PDE4B: variants seen among roughly 807,000 people sequenced by gnomAD.
PDE4B encodes the protein 3',5'-cyclic-AMP phosphodiesterase 4B.
In PDE4B, 20 loss-of-function variants were observed where a neutral mutation model predicts 82.2. The ratio of observed to expected loss-of-function variants is 0.24; its 90% CI spans 0.17 to 0.35. The LOEUF (loss-of-function observed/expected upper bound fraction) is 0.35, where lower values mean the gene tolerates loss of function less well. Among genes scored for constraint, PDE4B ranks in the 10% least tolerant of loss-of-function variants. The pLI, the probability that PDE4B is intolerant of heterozygous loss-of-function variation, is 1.00. For synonymous variants in PDE4B, 320 were observed against 318.9 expected (o/e 1.00, Z -0.04); for missense variants, 655 against 907.2 (o/e 0.72, Z 3.57).
intron 8 of PDE4B, among the ~76,000 whole-genome samples, chr1:66,347,878 A>G (rs1163768246): frequency 6.6e-6 from 1 of 152,212 alleles, no homozygotes; most frequent in East Asian, 1.9e-4. Flanking sequence ...TAGACTGAAA[A>G]TGGAATTAAC....
chr1:66,374,424 T>G lies in PDE4B; in HGVS notation c.*1746T>G, dbSNP rs368211356. ...ATGGCACAAATGTGCATGACCAATG[T>G]ATGTCTATGAACACTGCATTGTTTC... On this transcript the variant is annotated 3_prime_UTR_variant, in exon 17 of 17. Transcript: ENST00000341517. 1 of 134,606 alleles carries G rather than the reference T, an allele frequency of 7.4e-6. No individual in the cohort carries two copies. The highest frequency in any genetic ancestry group is 1.7e-5 in the Non-Finnish European group (1 of 59,606). 8.3% of individuals were successfully genotyped at this position (134,606 alleles called of 1,614,324 possible).
At chr1:66,212,795 C>G (rs988292143) in intron 3 of PDE4B, among the ~76,000 whole-genome samples, 4 of 152,174 alleles carry the variant, frequency 2.6e-5, no homozygotes, top group Non-Finnish European at 5.9e-5. Flanking sequence ...CAACCCCCGA[C>G]ATGGCATCAC....
intron 1 of PDE4B, among the ~76,000 whole-genome samples, chr1:65,872,826 CAT>C (rs1013803341): frequency 5.3e-5 from 8 of 152,154 alleles, no homozygotes; most frequent in East Asian, 1.9e-4. Flanking sequence ...TATATCATCT[CAT>C]GTGATATTCA....
chr1:65,870,873 G>A (rs920333120), intron 1 of PDE4B, among the ~76,000 whole-genome samples: 6 of 152,152 alleles, frequency 3.9e-5, no homozygotes, highest in Admixed American at 2.0e-4. Flanking sequence ...GGTAATATTA[G>A]TAGTAATTTT....
chr1:65,793,937 C>A (rs1374725487), intron 1 of PDE4B, among the ~76,000 whole-genome samples: 1 of 152,202 alleles, frequency 6.6e-6, no homozygotes, highest in African/African-American at 2.4e-5. Flanking sequence ...GGCCACCTTC[C>A]TTGTGCGGTA....
At chr1:66,315,186 C>T (rs1658945680) in intron 7 of PDE4B, among the ~76,000 whole-genome samples, 1 of 152,226 alleles carries the variant, frequency 6.6e-6, no homozygotes, top group Admixed American at 6.5e-5. Flanking sequence ...TCAGGGTTGA[C>T]TATCAGTTGA....
At chr1:65,893,853 A>G (rs539917112) in intron 1 of PDE4B, among the ~76,000 whole-genome samples, 11 of 152,234 alleles carry the variant, frequency 7.2e-5, no homozygotes, top group African/African-American at 2.6e-4. Context: ...AGCAACTTGG[A>G]TGGATCTGGA....
chr1:65,930,733 A>G (rs1647785894), intron 3 of PDE4B, among the ~76,000 whole-genome samples: 1 of 152,226 alleles, frequency 6.6e-6, no homozygotes, highest in Non-Finnish European at 1.5e-5. Flanking sequence ...TCTTGGAGGT[A>G]ACTAACTTGT....
chr1:66,185,175 GT>G (rs1647159808), intron 3 of PDE4B, among the ~76,000 whole-genome samples: 1 of 152,082 alleles, frequency 6.6e-6, no homozygotes, highest in South Asian at 2.1e-4. Context: ...TGAACTCATC[GT>G]TTTTTATGGC....
chr1:65,861,385 C>G (rs1646452353), intron 1 of PDE4B, among the ~76,000 whole-genome samples: 1 of 152,204 alleles, frequency 6.6e-6, no homozygotes, highest in Admixed American at 6.5e-5. Flanking sequence ...TCTGAGGTCT[C>G]TTTTCTGTTC....
intron 3 of PDE4B, among the ~76,000 whole-genome samples, chr1:66,177,886 G>T (rs1010475309): frequency 1.2e-4 from 18 of 151,702 alleles, no homozygotes; most frequent in African/African-American, 4.4e-4. Context: ...GGTGGGCATT[G>T]TTTTTTTTAG....
chr1:65,885,584 G>A (rs1183056328), intron 1 of PDE4B, among the ~76,000 whole-genome samples: 6 of 151,902 alleles, frequency 3.9e-5, no homozygotes, highest in Non-Finnish European at 7.4e-5. Flanking sequence ...AGCCGGAAAC[G>A]ATCATTCTCA....
chr1:66,195,269 G>T (rs1403495830), intron 3 of PDE4B, among the ~76,000 whole-genome samples: 1 of 152,146 alleles, frequency 6.6e-6, no homozygotes, highest in Non-Finnish European at 1.5e-5. Context: ...TAATTTTCCA[G>T]AGCTTCCATG....
At chr1:66,206,290 G>A (rs905735142) in intron 3 of PDE4B, among the ~76,000 whole-genome samples, 11 of 152,102 alleles carry the variant, frequency 7.2e-5, no homozygotes, top group Non-Finnish European at 1.0e-4. Context: ...AAGATCTACC[G>A]GAAAGCTTCT....
intron 16 of PDE4B, among the ~76,000 whole-genome samples, chr1:66,369,995 C>A (rs1282864289): frequency 6.6e-6 from 1 of 151,380 alleles, no homozygotes; most frequent in Non-Finnish European, 1.5e-5. Flanking sequence ...CAAAAACACA[C>A]AAAAAATTGG....
intron 3 of PDE4B, among the ~76,000 whole-genome samples, chr1:65,945,717 T>C (rs3009872): frequency 0.42 from 64,352 of 151,772 alleles, 13,789 homozygotes; most frequent in South Asian, 0.56. Flanking sequence ...TTCTAGGCAT[T>C]AAGGTGGTCA....
chr1:66,213,948 C>A (rs1650258494), intron 3 of PDE4B, among the ~76,000 whole-genome samples: 1 of 152,130 alleles, frequency 6.6e-6, no homozygotes, highest in African/African-American at 2.4e-5. Context: ...TTAGCATGAC[C>A]AAACGCTTCT....
At chr1:65,876,735 G>A (rs552076659) in intron 1 of PDE4B, among the ~76,000 whole-genome samples, 27 of 152,112 alleles carry the variant, frequency 1.8e-4, no homozygotes, top group African/African-American at 5.1e-4. Context: ...AAATATTTCC[G>A]TGGTTGGAAA....
intron 3 of PDE4B, among the ~76,000 whole-genome samples, chr1:66,185,929 G>A (rs931523512): frequency 2.6e-5 from 4 of 152,158 alleles, no homozygotes; most frequent in African/African-American, 7.2e-5. Flanking sequence ...GTCTTGAATG[G>A]CATTGCCTAG....
Sources: gnomAD v4.1 joint callset for allele counts (sites outside exome capture counted in the v4.1 genomes callset) on GRCh38, gnomAD v4.1.1 for gene constraint, MANE v1.5 for transcripts, NCBI Gene and HGNC (gene_info 2026-07-23, HGNC 2026-07-21) for gene names.